Variants in STK3 observed in about 807,000 individuals in gnomAD.
STK3 encodes serine/threonine kinase 3.
In STK3, 41 loss-of-function variants were observed where a neutral mutation model predicts 58.0. The observed-to-expected ratio is 0.71, with a 90% CI of 0.55 to 0.92. The LOEUF (loss-of-function observed/expected upper bound fraction) is 0.92, where lower values mean the gene tolerates loss of function less well. STK3 is among the 40% of genes least tolerant of loss of function. The pLI is 0.00. For synonymous variants in STK3, 170 were observed against 191.0 expected, an observed-to-expected ratio of 0.89 and a Z score of 0.91; for missense variants, 479 against 602.7, an observed-to-expected ratio of 0.79 and a Z score of 2.15.
chr8:98,438,476 C>CG lies in STK3; in HGVS notation n.186-1269dup, dbSNP rs542595804. On this transcript the variant is annotated intron_variant and non_coding_transcript_variant, in intron 1 of 3. Coordinates refer to the STK3 transcript ENST00000517832. ...GGAGAAGAACCAAGAGGTGGAACCA[C>CG]GTCAACCAGGAGCCATTGTTTCGCT... is the stretch of plus-strand genomic sequence containing the variant. 3 of 152,358 alleles carry CG rather than the reference C, an allele frequency of 2.0e-5. No homozygotes were observed. In the East Asian group the frequency reaches 5.8e-4, roughly 29 times the overall value. The allele number at this position is 152,358 out of a possible 1,614,324, so 9.4% of individuals were successfully genotyped here. A position where few individuals can be genotyped will look rare whatever the true frequency, so the allele number is the denominator to read the frequency against.
chr8:98,400,008 A>T (rs927293814), downstream of STK3, among the ~76,000 whole-genome samples: 4 of 152,084 alleles, frequency 2.6e-5, no homozygotes, highest in African/African-American at 9.7e-5. Flanking sequence ...CAACCTCATG[A>T]TCCTTCTTGA....
At chr8:98,375,951 T>A (rs995600995) in intron 2 of STK3, among the ~76,000 whole-genome samples, 7 of 152,214 alleles carry the variant, frequency 4.6e-5, no homozygotes, top group Non-Finnish European at 1.0e-4. Flanking sequence ...AGGGGTGGGG[T>A]TATTGGGATG....
At chr8:98,898,110 A>G (rs968228567) in intron 1 of STK3, among the ~76,000 whole-genome samples, 1 of 152,234 alleles carries the variant, frequency 6.6e-6, no homozygotes, top group African/African-American at 2.4e-5. Flanking sequence ...AGAAGCACTC[A>G]GATTACCAGG....
At chr8:98,902,178 C>T (rs544430475) in intron 1 of STK3, among the ~76,000 whole-genome samples, 34 of 152,276 alleles carry the variant, frequency 2.2e-4, no homozygotes, top group African/African-American at 7.0e-4. Context: ...GAGCTCCTTA[C>T]GGGATGGCTT....
Position 98,720,742 on chromosome 8 carries a change from C to G in STK3, c.352-13431G>C, listed in dbSNP as rs544887966. 2.2e-5 allele frequency among the ~76,000 whole-genome samples: 3 copies of G among 134,012 alleles called. No homozygotes were observed. The South Asian group carries it at 7.0e-4, about 31-fold the overall frequency. 87.9% of individuals were successfully genotyped at this position (134,012 alleles called of 152,430 possible). ...CTCCAGCCTGGGTGACAGAGCGAGA[C>G]TCCGTCTCAAAAAAAAAAAAAAAAA... On this transcript the variant is annotated intron_variant, in intron 4 of 10. Coordinates refer to ENST00000419617, the MANE Select transcript of STK3 (RefSeq NM_006281.4).
chr8:98,714,638 C>G (rs1427347530), intron 4 of STK3, among the ~76,000 whole-genome samples: 1 of 152,128 alleles, frequency 6.6e-6, no homozygotes, highest in Admixed American at 6.6e-5. Context: ...AAAGAGGATA[C>G]AAACAAATGC....
chr8:98,933,332 CATT>C (rs1374475736), intron 1 of STK3, among the ~76,000 whole-genome samples: 1 of 152,074 alleles, frequency 6.6e-6, no homozygotes, highest in East Asian at 1.9e-4. Flanking sequence ...GACCGAAAAA[CATT>C]ATCCTTTATT....
intron 3 of STK3, among the ~76,000 whole-genome samples, chr8:98,835,289 T>C (rs893598200): frequency 2.6e-5 from 4 of 152,244 alleles, no homozygotes; most frequent in African/African-American, 9.6e-5. Flanking sequence ...TCTGTTAAAA[T>C]AGAGCTAGGT....
chr8:98,404,408 T>C (rs1586549632), intron 3 of STK3, among the ~76,000 whole-genome samples: 1 of 152,030 alleles, frequency 6.6e-6, no homozygotes. Flanking sequence ...TGGCTGGGTG[T>C]GGTGGCTCAC....
At chr8:98,551,157 T>G (rs1266787301) in intron 8 of STK3, among the ~76,000 whole-genome samples, 1 of 152,206 alleles carries the variant, frequency 6.6e-6, no homozygotes, top group Non-Finnish European at 1.5e-5. Flanking sequence ...TCCATTTAAC[T>G]AAATCATACC....
intron 3 of STK3, among the ~76,000 whole-genome samples, chr8:98,852,493 G>C (rs1428612267): frequency 6.6e-6 from 1 of 152,176 alleles, no homozygotes; most frequent in Non-Finnish European, 1.5e-5. Flanking sequence ...CCCTGACCCA[G>C]TTAATAATAA....
At chr8:98,761,191 T>C (rs1311646097) in intron 3 of STK3, among the ~76,000 whole-genome samples, 1 of 151,586 alleles carries the variant, frequency 6.6e-6, no homozygotes, top group Non-Finnish European at 1.5e-5. Context: ...TGGCATGATC[T>C]CAGGTCATTG....
chr8:98,565,169 T>C (rs558207461), intron 8 of STK3, among the ~76,000 whole-genome samples: 107 of 152,116 alleles, frequency 7.0e-4, no homozygotes, highest in Non-Finnish European at 1.2e-3. Context: ...AGGCCACACA[T>C]TGGAATCTGT....
intron 1 of STK3, among the ~76,000 whole-genome samples, chr8:98,811,896 G>A (rs370706407): frequency 3.4e-4 from 52 of 152,268 alleles, no homozygotes; most frequent in Middle Eastern, 3.4e-3. Flanking sequence ...TGCAGCCTCC[G>A]CCTCCCAAGT....
intron 3 of STK3, among the ~76,000 whole-genome samples, chr8:98,832,756 C>G (rs1365515644): frequency 6.6e-6 from 1 of 152,140 alleles, no homozygotes; most frequent in Admixed American, 6.5e-5. Flanking sequence ...TCTCACTGCT[C>G]TGCTGTGCAC....
chr8:98,936,661 G>T (rs987576145), intron 1 of STK3, among the ~76,000 whole-genome samples: 3 of 152,224 alleles, frequency 2.0e-5, no homozygotes, highest in Non-Finnish European at 4.4e-5. Flanking sequence ...TGACACACTT[G>T]TTCTCCACAC....
At chr8:98,369,232 T>C (rs1817589911), downstream of STK3, among the ~76,000 whole-genome samples, 2 of 152,222 alleles carry the variant, frequency 1.3e-5, no homozygotes, top group Non-Finnish European at 2.9e-5. Context: ...TAATTGCAGC[T>C]GGTGAGTTGA....
chr8:98,476,843 C>CAACCACTACAACCACTACAACCATGTAA (rs1213466272), intron 10 of STK3, among the ~76,000 whole-genome samples: 5 of 152,178 alleles, frequency 3.3e-5, no homozygotes, highest in African/African-American at 1.2e-4. Context: ...TACAACCATG[C>CAACCACTACAACCACTACAACCATGTAA]AAGGCTTAAT....
At chr8:98,887,701 G>A (rs1033742279) in intron 1 of STK3, among the ~76,000 whole-genome samples, 4 of 152,072 alleles carry the variant, frequency 2.6e-5, no homozygotes, top group Non-Finnish European at 5.9e-5. Context: ...GAAAATAGAT[G>A]TACATGAGAT....
Sources: allele counts gnomAD v4.1 joint callset (sites outside exome capture counted in the v4.1 genomes callset), GRCh38; gene constraint gnomAD v4.1.1; transcripts MANE v1.5; gene names NCBI Gene and HGNC (gene_info 2026-07-23, HGNC 2026-07-21).